Variants in VSIG10L2 observed in about 807,000 individuals in gnomAD.
The protein encoded by VSIG10L2 is V-set and immunoglobulin domain containing 10 like 2, also known as V-set and immunoglobulin domain-containing protein 10-like 2.
A neutral mutation model predicts 67.1 loss-of-function variants in VSIG10L2; 56 were observed. That is an observed-to-expected ratio of 0.83 (90% CI 0.67 to 1.04). The LOEUF is 1.04. Among genes scored for constraint, VSIG10L2 ranks in the 50% least tolerant of loss-of-function variants. VSIG10L2 has a pLI of 0.00. For synonymous variants in VSIG10L2, 360 were observed against 396.6 expected, an observed-to-expected ratio of 0.91 and a Z score of 1.10; for missense variants, 843 against 932.8, an observed-to-expected ratio of 0.90 and a Z score of 1.25.
chr11:125,948,498 G>A lies in VSIG10L2; in HGVS notation c.627G>A (p.Arg209=). The A allele has an allele frequency of 8.1e-7, 1 of 1,232,240 alleles. No homozygotes were observed. Among genetic ancestry groups the A allele is most frequent in the Non-Finnish European group, 1.0e-6 (1 of 988,006 alleles). 76.3% of individuals were successfully genotyped at this position (1,232,240 alleles called of 1,614,324 possible). Residue 209 remains arginine (R), a synonymous_variant, in exon 3 of 12, where the codon CGG becomes CGA. Coordinates refer to ENST00000686984, the MANE Select transcript of VSIG10L2 (RefSeq NM_001365077.2). The stretch of plus-strand genomic sequence containing the variant: ...TATTCCAGCTGGACCCTGTCAACCG[G>A]ACACACCTAGGGTGGTACATGTGCA... ...EPLFQLDPVN[R]THLGWYMCSA...
chr11:125,948,328 C>T lies in VSIG10L2; in HGVS notation c.457C>T (p.Arg153Ter), dbSNP rs993924553. 1.6e-6 allele frequency: 2 copies of T among 1,232,614 alleles called. No homozygotes were observed. The highest frequency in any genetic ancestry group is 2.0e-6 in the Non-Finnish European group (2 of 988,348). 76.4% of individuals were successfully genotyped at this position (1,232,614 alleles called of 1,614,324 possible). ...AGTGCCGGTGTCCAAGCCTCAAGTG[C>T]GACTGAGTAACCCGTCCCCTGTGGA... is the stretch of plus-strand genomic sequence containing the variant. ...VLVPVSKPQVRLSNPSPVEGA... is the reference protein window; with the variant it reads ...VLVPVSKPQV Residue 153 changes from arginine to a stop codon, truncating the protein, a stop_gained, in exon 3 of 12, where the codon CGA (arginine) becomes TGA (stop). Transcript: ENST00000686984. LOFTEE classifies it high-confidence loss of function.
Position 125,949,548 on chromosome 11 carries a change from G to A in VSIG10L2, c.710-466G>A, listed in dbSNP as rs191214974. Reference sequence around the variant, plus strand: ...CTCTTTTGGAGTCAGGGAGAGCTTCGAAGATGGTGACCCTGAGCTTGGAAC... The same window carrying A: ...CTCTTTTGGAGTCAGGGAGAGCTTCAAAGATGGTGACCCTGAGCTTGGAAC... On this transcript the variant is annotated intron_variant, in intron 3 of 11. Coordinates refer to ENST00000686984, the MANE Select transcript of VSIG10L2 (RefSeq NM_001365077.2). Among the ~76,000 whole-genome samples, 474 of 152,308 alleles carry A rather than the reference G, an allele frequency of 3.1e-3. 4 individuals carry two copies. Among genetic ancestry groups the A allele is most frequent in the Non-Finnish European group, 2.7e-3 (184 of 68,024 alleles).
At chr11:125,951,285 T>C (rs554927598) in intron 5 of VSIG10L2, 127 bp downstream of exon 5, 1,032 of 916,366 alleles carry the variant, frequency 1.1e-3, no homozygotes, top group Non-Finnish European at 1.4e-3. Flanking sequence ...ACACGCCATG[T>C]AACAAGGAGG....
In VSIG10L2 at chr11:125,955,868, C is replaced by A; in HGVS notation, c.2336C>A (p.Thr779Lys). ...GGTTTGGATCCTGCACAAGAAACCA[C>A]GGATTCTCCAGTGAATGTCACCATC... ...TPGLDPAQET[T>K]DSPVNVTITV... Residue 779 changes from threonine to lysine, a missense_variant, in exon 12 of 12, where the codon ACG (threonine) becomes AAG (lysine). This residue lies in a region of VSIG10L2 where 397 missense variants were observed against 384.4 expected (regional missense o/e 1.03). Coordinates refer to ENST00000686984, the MANE Select transcript of VSIG10L2 (RefSeq NM_001365077.2). The A allele has an allele frequency of 1.4e-6, 1 of 694,924 alleles. No individual in the cohort carries two copies. Among genetic ancestry groups the A allele is most frequent in the Non-Finnish European group, 2.6e-6 (1 of 383,074 alleles). 43.0% of individuals were successfully genotyped at this position (694,924 alleles called of 1,614,324 possible).
intron 6 of VSIG10L2, among the ~76,000 whole-genome samples, 183 bp from the exon 7 acceptor site, chr11:125,953,217 A>T (rs1288495214): frequency 6.6e-6 from 1 of 152,182 alleles, no homozygotes; most frequent in Non-Finnish European, 1.5e-5. Context: ...GCCCTGGCGC[A>T]CACTGTGACA....
At chr11:125,951,229 CG>C in intron 5 of VSIG10L2, 71 bp downstream of exon 5, 1 of 1,228,662 alleles carries the variant, frequency 8.1e-7, no homozygotes, top group Non-Finnish European at 1.0e-6. Flanking sequence ...AGGGTAGAGG[CG>C]GGGGGCCTGG....
In VSIG10L2 at chr11:125,953,678, C is replaced by A. The variant is rs1209924873; in HGVS notation, c.1774C>A (p.Leu592Met). 12 of 1,232,282 alleles carry A rather than the reference C, an allele frequency of 9.7e-6. No homozygotes were observed. Among genetic ancestry groups the A allele is most frequent in the Non-Finnish European group, 1.2e-5 (12 of 988,036 alleles). 76.3% of individuals were successfully genotyped at this position (1,232,282 alleles called of 1,614,324 possible). ...AVGNSSQSVL[L>M]EVLRYPAPPN... is the part of the protein sequence containing the mutation. ...GGGCAATAGCAGTCAGAGTGTGCTG[C>A]TGGAGGTCCTGAGTGAGTGAGGGGT... Residue 592 changes from leucine to methionine, a missense_variant, in exon 7 of 12, where the codon CTG (leucine) becomes ATG (methionine). Physicochemically the swap from Leu to Met is conservative, Grantham distance 15 (BLOSUM62 2). This residue lies in a region of VSIG10L2 where 397 missense variants were observed against 384.4 expected (regional missense o/e 1.03). Coordinates refer to ENST00000686984, the MANE Select transcript of VSIG10L2 (RefSeq NM_001365077.2).
In VSIG10L2 at chr11:125,954,336, C is replaced by T; in HGVS notation, c.2036C>T (p.Ala679Val). 8.1e-7 allele frequency: 1 copy of T among 1,232,188 alleles called. No individual in the cohort carries two copies. The highest frequency in any genetic ancestry group is 3.2e-5 in the East Asian group (1 of 31,700). 76.3% of individuals were successfully genotyped at this position (1,232,188 alleles called of 1,614,324 possible). A position where few individuals can be genotyped will look rare whatever the true frequency, so the allele number is the denominator to read the frequency against. The change falls in exon 8 of 12, where the codon GCT becomes GTT. Residue 679 changes from alanine (A) to valine (V), a missense_variant. This residue lies in a region of VSIG10L2 where 397 missense variants were observed against 384.4 expected (regional missense o/e 1.03). Coordinates refer to ENST00000686984, the MANE Select transcript of VSIG10L2 (RefSeq NM_001365077.2). ...GTCCTTTATGCCTTCCGCATCCTGGCTCTGAATCACCACACTGCAGGACAT... is the reference window on the plus strand; with the variant it reads ...GTCCTTTATGCCTTCCGCATCCTGGTTCTGAATCACCACACTGCAGGACAT... The part of the protein sequence containing the change: ...PGVLYAFRIL[A>V]LNHHTAGHPS...
intron 3 of VSIG10L2, among the ~76,000 whole-genome samples, chr11:125,949,416 C>T (rs888441776): frequency 1.2e-4 from 18 of 152,118 alleles, no homozygotes; most frequent in African/African-American, 3.9e-4. Context: ...CGGTCTTCAC[C>T]GTGGCGGTTT....
In VSIG10L2 at chr11:125,955,492, A is replaced by G; in HGVS notation, c.2217A>G (p.Gln739=). The G allele has an allele frequency of 1.2e-6, 1 of 864,722 alleles. No individual in the cohort carries two copies. Among genetic ancestry groups the G allele is most frequent in the Non-Finnish European group, 1.8e-6 (1 of 562,954 alleles). The allele number at this position is 864,722 out of a possible 1,614,324, so 53.6% of individuals were successfully genotyped here. Residue 739 remains glutamine, a synonymous_variant, in exon 10 of 12, where the codon CAA becomes CAG. Coordinates refer to ENST00000686984, the MANE Select transcript of VSIG10L2 (RefSeq NM_001365077.2). ...RHPETFPRLG[Q]LLVPTEQRHQ... ...TTTTCCTTCCTACAGGCCTTGGTCA[A>G]TTGCTTGTTCCCACGTGAGTGTGGA...
Position 125,954,159 on chromosome 11 carries a change from A to C in VSIG10L2, c.1859A>C (p.Gln620Pro). Residue 620 changes from glutamine to proline, a missense_variant, in exon 8 of 12, where the codon CAA (glutamine) becomes CCA (proline). By Grantham distance (76) the Gln-to-Pro change is moderately conservative. Around this residue, in one of 2 missense-constraint regions of VSIG10L2, gnomAD observed 397 missense variants for 384.4 expected, o/e 1.03. Coordinates refer to ENST00000686984, the MANE Select transcript of VSIG10L2 (RefSeq NM_001365077.2). The stretch of plus-strand genomic sequence containing the variant: ...AGGCACCGGAGAGAGGTGCAGCTTC[A>C]ATGGGCCATCTTAGGACCCGGGAAC... Reference protein sequence around the residue: ...YGRHRREVQLQWAILGPGNLT... With the variant: ...YGRHRREVQLPWAILGPGNLT... The C allele has an allele frequency of 8.1e-7, 1 of 1,232,208 alleles. No homozygotes were observed. Among genetic ancestry groups the C allele is most frequent in the South Asian group, 4.1e-5 (1 of 24,314 alleles). 76.3% of individuals were successfully genotyped at this position (1,232,208 alleles called of 1,614,324 possible).
At position 125,948,324 on chromosome 11, in the gene VSIG10L2, AGT is replaced by A; in HGVS notation, c.455_456del (p.Val152AlafsTer4). 2 of 1,232,590 alleles carry A rather than the reference AGT, an allele frequency of 1.6e-6. No homozygotes were observed. Among genetic ancestry groups the A allele is most frequent in the Non-Finnish European group, 2.0e-6 (2 of 988,320 alleles). The allele number at this position is 1,232,590 out of a possible 1,614,324, so 76.4% of individuals were successfully genotyped here. ...AVLVPVSKPQ[V>X]RLSNPSPVEG... ...GGCCAGTGCCGGTGTCCAAGCCTCA[AGT>A]GCGACTGAGTAACCCGTCCCCTGTG... On this transcript the variant is annotated frameshift_variant, in exon 3 of 12. Coordinates refer to ENST00000686984, the MANE Select transcript of VSIG10L2 (RefSeq NM_001365077.2). LOFTEE classifies it high-confidence loss of function.
rs79316391 is a variant in VSIG10L2 at position 125,950,197 on chromosome 11, C to T, written c.893C>T (p.Ala298Val). The change falls in exon 4 of 12, where the codon GCT (alanine) becomes GTT (valine). Residue 298 changes from alanine to valine, a missense_variant. Around this residue, in one of 2 missense-constraint regions of VSIG10L2, gnomAD observed 446 missense variants for 548.4 expected, o/e 0.81. Coordinates refer to ENST00000686984, the MANE Select transcript of VSIG10L2 (RefSeq NM_001365077.2). ...GGGCCTACCTATGTCATCGCCAGAG[C>T]TGGCCGTGTCCACACAGGCCTGTAC... ...HTGPTYVIAR[A>V]GRVHTGLYTC... is the part of the protein sequence containing the mutation. The T allele has an allele frequency of 1.3e-3, 1,653 of 1,232,392 alleles. 17 individuals carry two copies. In the African/African-American group the frequency reaches 0.023, roughly 17 times the overall value. The allele number at this position is 1,232,392 out of a possible 1,614,324, so 76.3% of individuals were successfully genotyped here. A position where few individuals can be genotyped will look rare whatever the true frequency, so the allele number is the denominator to read the frequency against.
intron 3 of VSIG10L2, among the ~76,000 whole-genome samples, chr11:125,949,180 T>C (rs1044608888): frequency 2.0e-5 from 3 of 152,272 alleles, no homozygotes; most frequent in African/African-American, 7.2e-5. Context: ...GATTATATAT[T>C]GAAATAACAT....
chr11:125,949,741 T>C (rs1197806363), intron 3 of VSIG10L2, among the ~76,000 whole-genome samples: 1 of 152,156 alleles, frequency 6.6e-6, no homozygotes. Context: ...ATTGGTCCCC[T>C]ACCTCTCTTC....
intron 1 of VSIG10L2, 163 bp from the exon 2 acceptor site, chr11:125,947,523 G>A (rs1945313611): frequency 4.1e-6 from 4 of 985,384 alleles, no homozygotes; most frequent in Middle Eastern, 5.2e-4. Context: ...CACACAAACT[G>A]TCTCTTGCCC....
Position 125,955,904 on chromosome 11 carries a change from C to A in VSIG10L2, c.2372C>A (p.Ala791Glu). The change falls in exon 12 of 12, where the codon GCA becomes GAA. Residue 791 changes from alanine (A) to glutamate (E), a missense_variant. Ala to Glu is a moderately radical substitution (Grantham distance 107, BLOSUM62 -1). Coordinates refer to ENST00000686984, the MANE Select transcript of VSIG10L2 (RefSeq NM_001365077.2). Reference protein sequence around the residue: ...SPVNVTITVTATP With the variant: ...SPVNVTITVTETP ...GTGAATGTCACCATCACAGTGACTGCAACACCATAAGGCCCAAAGAGGAAG... is the reference window on the plus strand; with the variant it reads ...GTGAATGTCACCATCACAGTGACTGAAACACCATAAGGCCCAAAGAGGAAG... 1 of 670,446 alleles carries A rather than the reference C, an allele frequency of 1.5e-6. No homozygotes were observed. Among genetic ancestry groups the A allele is most frequent in the Admixed American group, 2.2e-5 (1 of 45,226 alleles). The allele number at this position is 670,446 out of a possible 1,614,324, so 41.5% of individuals were successfully genotyped here.
chr11:125,955,681 C>G lies in VSIG10L2; in HGVS notation c.2284+14C>G. On this transcript the variant is annotated intron_variant, in intron 11 of 11. Transcript: ENST00000686984. ...AGGCACCGGCAGGTAAGCACCTTATCCAGAAAAAGACGACTCGTGTACAAG... is the reference window on the plus strand; with the variant it reads ...AGGCACCGGCAGGTAAGCACCTTATGCAGAAAAAGACGACTCGTGTACAAG... 6.5e-7 allele frequency: 1 copy of G among 1,533,196 alleles called. No individual in the cohort carries two copies. The highest frequency in any genetic ancestry group is 8.7e-7 in the Non-Finnish European group (1 of 1,145,370). The allele number at this position is 1,533,196 out of a possible 1,614,324, so 95.0% of individuals were successfully genotyped here.
intron 2 of VSIG10L2, 30 bp downstream of exon 2, chr11:125,948,066 C>A: frequency 8.1e-7 from 1 of 1,232,464 alleles, no homozygotes; most frequent in South Asian, 4.1e-5. Flanking sequence ...TGCAGCTGGT[C>A]CGCGGGCTGC....
Sources: allele counts gnomAD v4.1 joint callset (sites outside exome capture counted in the v4.1 genomes callset), GRCh38; gene constraint gnomAD v4.1.1; regional missense constraint gnomAD v4.1.1; transcripts MANE v1.5; gene names NCBI Gene and HGNC (gene_info 2026-07-23, HGNC 2026-07-21).